The following USO1 variants were observed in gnomAD, a reference collection of about 807,000 sequenced individuals.
USO1 encodes the protein general vesicular transport factor p115.
Under a neutral mutation model 124.5 loss-of-function variants are expected in USO1, and 57 were observed. That is an observed-to-expected ratio of 0.46 (90% confidence interval 0.37 to 0.57). USO1 has a LOEUF of 0.57. USO1 is among the 20% of genes least tolerant of loss of function. The probability of loss-of-function intolerance (pLI) is 0.00; values close to 1 mark genes in which losing one functional copy is unlikely to be tolerated. For missense variants in USO1, 900 were observed against 1,040.6 expected (o/e 0.86, Z 1.86); for synonymous variants, 369 against 362.8 (o/e 1.02, Z -0.19).
At chr4:75,762,729 C>A (rs1288660009) in intron 4 of USO1, among the ~76,000 whole-genome samples, 1 of 151,858 alleles carries the variant, frequency 6.6e-6, no homozygotes, top group Non-Finnish European at 1.5e-5. Context: ...GAGATCAAGA[C>A]CATCCTGGCT....
intron 10 of USO1, among the ~76,000 whole-genome samples, chr4:75,789,814 A>ATC (rs1722476008): frequency 6.6e-6 from 1 of 152,088 alleles, no homozygotes; most frequent in African/African-American, 2.4e-5. Flanking sequence ...CTCATAGAGA[A>ATC]TAGTATAGTT....
At chr4:75,747,375 C>A (rs1297469861) in intron 1 of USO1, among the ~76,000 whole-genome samples, 1 of 152,114 alleles carries the variant, frequency 6.6e-6, no homozygotes, top group Non-Finnish European at 1.5e-5. Context: ...TCGGACTGCT[C>A]AAGCAGTCCT....
intron 4 of USO1, among the ~76,000 whole-genome samples, chr4:75,762,460 C>T (rs1053614391): frequency 3.3e-5 from 5 of 151,644 alleles, no homozygotes; most frequent in African/African-American, 1.2e-4. Flanking sequence ...CCACGCCCAG[C>T]CAGAACAATA....
At chr4:75,796,483 G>A (rs1051938009) in intron 13 of USO1, among the ~76,000 whole-genome samples, 8 of 151,412 alleles carry the variant, frequency 5.3e-5, no homozygotes, top group African/African-American at 1.5e-4. Context: ...TTACAGGTGC[G>A]CACCACCACA....
chr4:75,782,361 G>T (rs1462939494), intron 8 of USO1, among the ~76,000 whole-genome samples: 1 of 152,246 alleles, frequency 6.6e-6, no homozygotes, highest in Non-Finnish European at 1.5e-5. Flanking sequence ...GTAAGAGCAT[G>T]TAGCTGGTGA....
intron 1 of USO1, among the ~76,000 whole-genome samples, chr4:75,727,731 A>AT (rs1239414453): frequency 2.0e-5 from 3 of 152,008 alleles, no homozygotes; most frequent in Non-Finnish European, 4.4e-5. Flanking sequence ...GCAAAATTAA[A>AT]TTTTTTTCAT....
chr4:75,729,890 T>TA lies in USO1; in HGVS notation c.66+5010dup, dbSNP rs1207067557. 4 of 375,592 alleles carry TA rather than the reference T, an allele frequency of 1.1e-5. No homozygotes were observed. The East Asian group carries it at 3.3e-4, about 31-fold the overall frequency. The allele number at this position is 375,592 out of a possible 1,614,324, so 23.3% of individuals were successfully genotyped here. A position where few individuals can be genotyped will look rare whatever the true frequency, so the allele number is the denominator to read the frequency against. On this transcript the variant is annotated intron_variant, in intron 1 of 23. Transcript: ENST00000514213. ...TAAACACAGCCATATTTTCTTTTAA[T>TA]AAAAATTGTTATTAAAGAGTGTGGA...
intron 23 of USO1, among the ~76,000 whole-genome samples, chr4:75,812,773 C>CA (rs1255542295): frequency 1.3e-5 from 2 of 152,076 alleles, no homozygotes; most frequent in African/African-American, 4.8e-5. Flanking sequence ...GCCTTGGCAT[C>CA]AAATCAAAGA....
chr4:75,813,185 A>G (rs1723199066), intron 23 of USO1, 21 bp from the exon 24 acceptor site: 1 of 1,594,674 alleles, frequency 6.3e-7, no homozygotes. Flanking sequence ...TCACAATATT[A>G]AATACGTCTT....
intron 8 of USO1, among the ~76,000 whole-genome samples, chr4:75,775,463 C>T (rs986565553): frequency 2.6e-4 from 39 of 152,058 alleles, no homozygotes; most frequent in Non-Finnish European, 2.6e-4. Flanking sequence ...CACTTGAACC[C>T]GGGAGGTGGA....
intron 4 of USO1, among the ~76,000 whole-genome samples, chr4:75,760,222 TAAAATA>T (rs1010244212): frequency 8.6e-5 from 13 of 152,016 alleles, no homozygotes; most frequent in East Asian, 3.9e-4. Context: ...AAAAATAAAA[TAAAATA>T]AAAATAAAAA....
chr4:75,745,685 A>G (rs1053073884), intron 1 of USO1, among the ~76,000 whole-genome samples: 2 of 152,168 alleles, frequency 1.3e-5, no homozygotes, highest in African/African-American at 4.8e-5. Flanking sequence ...GGATCACCTG[A>G]GGTCAGGAGT....
At chr4:75,806,213 C>G (rs985295898) in intron 19 of USO1, among the ~76,000 whole-genome samples, 1 of 152,090 alleles carries the variant, frequency 6.6e-6, no homozygotes, top group Admixed American at 6.6e-5. Flanking sequence ...GCTGATCTTG[C>G]ATTCCTGAGC....
At chr4:75,763,955 C>T (rs1008781349) in intron 4 of USO1, among the ~76,000 whole-genome samples, 1 of 152,068 alleles carries the variant, frequency 6.6e-6, no homozygotes, top group Non-Finnish European at 1.5e-5. Flanking sequence ...ACCTTAATTG[C>T]TTAGCTAATT....
intron 19 of USO1, among the ~76,000 whole-genome samples, chr4:75,805,973 G>C (rs368431953): frequency 6.6e-6 from 1 of 151,930 alleles, no homozygotes; most frequent in Non-Finnish European, 1.5e-5. Context: ...TTAATAAATT[G>C]CTCGGTAAAA....
chr4:75,788,163 A>AT (rs1355444924), intron 10 of USO1, among the ~76,000 whole-genome samples: 16 of 91,524 alleles, frequency 1.7e-4, no homozygotes, highest in South Asian at 1.0e-3. Flanking sequence ...TTATTTATTT[A>AT]TTTATTTATT....
At chr4:75,736,344 G>A (rs1410682039) in intron 1 of USO1, among the ~76,000 whole-genome samples, 33 of 99,374 alleles carry the variant, frequency 3.3e-4, no homozygotes, top group African/African-American at 1.2e-3. Context: ...TTGAGGCAAA[G>A]CCTCATTCTG....
chr4:75,790,725 C>T lies in USO1; in HGVS notation c.1168C>T (p.Gln390Ter). The T allele has an allele frequency of 6.2e-7, 1 of 1,613,458 alleles. No individual in the cohort carries two copies. Among genetic ancestry groups the T allele is most frequent in the Non-Finnish European group, 8.5e-7 (1 of 1,179,622 alleles). Residue 390 changes from glutamine (Q) to a stop codon, truncating the protein, a stop_gained, in exon 12 of 24, where the codon CAG (glutamine) becomes TAG (stop). Coordinates refer to ENST00000514213, the MANE Select transcript of USO1 (RefSeq NM_003715.4). LOFTEE classifies it high-confidence loss of function. ...VLRCAVLYCFQCFLYKNQKGQ... is the reference protein window; with the variant it reads ...VLRCAVLYCF ...GCGCTGTGCTGTTCTCTATTGTTTC[C>T]AGTGTTTCTTGTATAAAAACCAAAA...
In USO1 at chr4:75,770,488, A is replaced by G. The variant is rs1026054994; in HGVS notation, c.345A>G (p.Glu115=). 6.3e-7 allele frequency: 1 copy of G among 1,596,958 alleles called. No homozygotes were observed. The highest frequency in any genetic ancestry group is 1.3e-5 in the African/African-American group (1 of 74,756). Residue 115 remains glutamate (E), a synonymous_variant, in exon 5 of 24, where the codon GAA becomes GAG. Coordinates refer to ENST00000514213, the MANE Select transcript of USO1 (RefSeq NM_003715.4). ...QSEDLGSQFT[E]IFIKQQENVT... is the part of the protein sequence containing the mutation. ...AAGATTTGGGAAGCCAATTTACAGA[A>G]ATTTTCATTAAGCAGCAGGAAAATG...
Sources: allele counts gnomAD v4.1 joint callset (sites outside exome capture counted in the v4.1 genomes callset), GRCh38; gene constraint gnomAD v4.1.1; transcripts MANE v1.5; gene names NCBI Gene and HGNC (gene_info 2026-07-23, HGNC 2026-07-21).